DNER: variants seen among roughly 807,000 people sequenced by gnomAD.
The protein encoded by DNER is delta/notch like EGF repeat containing, also known as delta and Notch-like epidermal growth factor-related receptor.
A neutral mutation model predicts 78.2 loss-of-function variants in DNER; 33 were observed. The observed-to-expected ratio is 0.42, with a 90% CI of 0.32 to 0.56. The LOEUF (loss-of-function observed/expected upper bound fraction) is 0.56. Ranked by LOEUF, DNER falls within the 20% of genes least tolerant of loss-of-function variation. The pLI is 0.11. For missense variants in DNER, 918 were observed against 975.3 expected, an observed-to-expected ratio of 0.94 and a Z score of 0.78; for synonymous variants, 417 against 384.8, an observed-to-expected ratio of 1.08 and a Z score of -0.98.
intron 1 of DNER, among the ~76,000 whole-genome samples, chr2:229,672,976 C>T (rs1342377105): frequency 2.6e-5 from 4 of 152,176 alleles, no homozygotes; most frequent in Non-Finnish European, 5.9e-5. Flanking sequence ...TTTTGAGAGC[C>T]GCCCTGTGCA....
At chr2:229,639,460 G>C (rs1191511646) in intron 1 of DNER, among the ~76,000 whole-genome samples, 1 of 152,012 alleles carries the variant, frequency 6.6e-6, no homozygotes, top group Non-Finnish European at 1.5e-5. Flanking sequence ...TGGCATGTTG[G>C]CCAGGCTGGT....
At chr2:229,434,470 G>C (rs1311127938) in intron 8 of DNER, among the ~76,000 whole-genome samples, 1 of 152,168 alleles carries the variant, frequency 6.6e-6, no homozygotes, top group Non-Finnish European at 1.5e-5. Flanking sequence ...CAGCCTTGAT[G>C]CAACTGGATT....
Position 229,585,987 on chromosome 2 carries a change from A to T in DNER, c.718T>A (p.Trp240Arg), listed in dbSNP as rs761071630. The T allele has an allele frequency of 6.2e-7, 1 of 1,613,960 alleles. No individual in the cohort carries two copies. The highest frequency in any genetic ancestry group is 1.1e-5 in the South Asian group (1 of 91,020). Residue 240 changes from tryptophan to arginine, a missense_variant, in exon 4 of 13, where the codon TGG becomes AGG. Trp to Arg is a moderately radical substitution (Grantham distance 101). Transcript: ENST00000341772. ...TGGAATCCTGTGGCCGTGACCTTCC[A>T]GAGCAAAATCAGTGAGGCAGTGGCA... ...QDATASLILL[W>R]KVTATGFQQC...
At chr2:229,426,061 T>C (rs188832890) in intron 8 of DNER, among the ~76,000 whole-genome samples, 99 of 152,112 alleles carry the variant, frequency 6.5e-4, no homozygotes, top group African/African-American at 2.2e-3. Flanking sequence ...TCAGCATGAG[T>C]GGATAAAATG....
At chr2:229,394,096 G>A (rs73098281) in intron 10 of DNER, among the ~76,000 whole-genome samples, 5,089 of 152,260 alleles carry the variant, frequency 0.033, 139 homozygotes, top group African/African-American at 0.073. Context: ...ACATCATAGT[G>A]CAGAAGCGAA....
In DNER at chr2:229,467,880, A is replaced by G. The variant is rs533472037; in HGVS notation, c.1261+9260T>C. Among the ~76,000 whole-genome samples the G allele has an allele frequency of 3.9e-5, 6 of 152,354 alleles. No homozygotes were observed. In the South Asian group the frequency reaches 1.2e-3, roughly 32 times the overall value. On this transcript the variant is annotated intron_variant, in intron 7 of 12. Coordinates refer to ENST00000341772, the MANE Select transcript of DNER (RefSeq NM_139072.4). ...CGAAAAACTTCTTCAAGGCTCTGAAAAGTGAACCAAAGCAGGCAGGTTTTG... is the reference window on the plus strand; with the variant it reads ...CGAAAAACTTCTTCAAGGCTCTGAAGAGTGAACCAAAGCAGGCAGGTTTTG...
intron 1 of DNER, among the ~76,000 whole-genome samples, chr2:229,649,857 G>A (rs1010920166): frequency 3.9e-5 from 6 of 151,986 alleles, no homozygotes; most frequent in Admixed American, 6.5e-5. Flanking sequence ...GGCGGATCAC[G>A]AGGTCAGGAG....
chr2:229,369,057 T>A (rs1692416483), intron 11 of DNER, among the ~76,000 whole-genome samples: 1 of 152,200 alleles, frequency 6.6e-6, no homozygotes, highest in East Asian at 1.9e-4. Context: ...TCAATCCAGC[T>A]CCTACATTTA....
At chr2:229,706,361 A>T (rs1486243131) in intron 1 of DNER, among the ~76,000 whole-genome samples, 1 of 148,086 alleles carries the variant, frequency 6.8e-6, no homozygotes, top group Non-Finnish European at 1.5e-5. Context: ...GACTAGCCTG[A>T]CCAACATAGC....
At chr2:229,423,290 T>G (rs1693804866) in intron 8 of DNER, among the ~76,000 whole-genome samples, 2 of 152,150 alleles carry the variant, frequency 1.3e-5, no homozygotes, top group Non-Finnish European at 2.9e-5. Flanking sequence ...AAAACCTAAC[T>G]TCTTTATATG....
At chr2:229,683,835 G>C (rs1388405012) in intron 1 of DNER, among the ~76,000 whole-genome samples, 2 of 152,148 alleles carry the variant, frequency 1.3e-5, no homozygotes, top group Non-Finnish European at 2.9e-5. Flanking sequence ...GATGGGGGCT[G>C]GGGGCTGGGG....
At chr2:229,683,573 G>C (rs1338141491) in intron 1 of DNER, among the ~76,000 whole-genome samples, 2 of 152,034 alleles carry the variant, frequency 1.3e-5, no homozygotes, top group South Asian at 4.2e-4. Flanking sequence ...AAAATAATTG[G>C]GTTATCAGGT....
At chr2:229,586,593 C>G in intron 3 of DNER, 1 of 930,042 alleles carries the variant, frequency 1.1e-6, no homozygotes, top group Non-Finnish European at 1.3e-6. Flanking sequence ...CACAGAAAGC[C>G]CATCAACCCC....
At chr2:229,430,513 G>A (rs371234318) in intron 8 of DNER, among the ~76,000 whole-genome samples, 84 of 152,102 alleles carry the variant, frequency 5.5e-4, no homozygotes, top group African/African-American at 2.0e-3. Flanking sequence ...TGTGAAAAGA[G>A]AGACTGTGAC....
intron 1 of DNER, among the ~76,000 whole-genome samples, chr2:229,658,809 A>G (rs1329316844): frequency 1.3e-5 from 2 of 152,204 alleles, no homozygotes; most frequent in African/African-American, 4.8e-5. Flanking sequence ...GCCAATTTCT[A>G]AGGCTGTCGA....
At chr2:229,380,758 C>A (rs960191109) in intron 11 of DNER, among the ~76,000 whole-genome samples, 20 of 152,038 alleles carry the variant, frequency 1.3e-4, no homozygotes, top group African/African-American at 3.9e-4. Flanking sequence ...AACCCCTTCT[C>A]TACTAAAAAT....
intron 7 of DNER, among the ~76,000 whole-genome samples, chr2:229,471,392 T>A (rs1694922772): frequency 6.6e-6 from 1 of 152,144 alleles, no homozygotes; most frequent in African/African-American, 2.4e-5. Flanking sequence ...TTGGAGCTTG[T>A]TGCAGTGGAA....
intron 6 of DNER, among the ~76,000 whole-genome samples, chr2:229,499,927 CTTTCTT>C (rs1695581050): frequency 2.8e-5 from 2 of 72,084 alleles, no homozygotes. Flanking sequence ...AATAGACTTT[CTTTCTT>C]TTTTTTTTTT....
intron 9 of DNER, 71 bp from the exon 10 acceptor site, chr2:229,407,416 G>T: frequency 7.2e-7 from 1 of 1,391,254 alleles, no homozygotes; most frequent in Admixed American, 1.7e-5. Flanking sequence ...TGAAAGCAAA[G>T]TCGGAACTCT....
Sources: gnomAD v4.1 joint callset for allele counts (sites outside exome capture counted in the v4.1 genomes callset) on GRCh38, gnomAD v4.1.1 for gene constraint, MANE v1.5 for transcripts, NCBI Gene and HGNC (gene_info 2026-07-23, HGNC 2026-07-21) for gene names.